Variants in FTO observed in about 807,000 individuals in gnomAD.
FTO encodes FTO alpha-ketoglutarate dependent dioxygenase.
In FTO, 47 loss-of-function variants were observed where a neutral mutation model predicts 63.9. The ratio of observed to expected loss-of-function variants is 0.74; its 90% CI spans 0.58 to 0.94. The LOEUF is 0.94. FTO is among the 40% of genes least tolerant of loss of function. FTO has a pLI of 0.00. For synonymous variants in FTO, 207 were observed against 224.4 expected, an observed-to-expected ratio of 0.92 and a Z score of 0.69; for missense variants, 562 against 618.1, an observed-to-expected ratio of 0.91 and a Z score of 0.96.
chr16:53,880,016 ATG>A, intron 6 of FTO, 29 bp downstream of exon 6: 1 of 1,550,310 alleles, frequency 6.5e-7, no homozygotes, highest in South Asian at 1.1e-5. Context: ...TTTTTTTGAG[ATG>A]GAGTCTCGCT....
chr16:53,984,688 C>T (rs1278682651), intron 8 of FTO, among the ~76,000 whole-genome samples: 1 of 152,082 alleles, frequency 6.6e-6, no homozygotes, highest in East Asian at 1.9e-4. Flanking sequence ...CCCAGAGCCC[C>T]TAAAGCATCA....
Position 53,934,020 on chromosome 16 carries a change from G to T in FTO, c.1275G>T (p.Gly425=), listed in dbSNP as rs774001379. 4 of 1,613,876 alleles carry T rather than the reference G, an allele frequency of 2.5e-6. No homozygotes were observed. The South Asian group carries it at 3.3e-5, about 13-fold the overall frequency. ...NAVLHEVKRE[G]LPVEQRNEIL... is the part of the protein sequence containing the mutation. ...TGCTTCATGAAGTTAAAAGAGAGGG[G>T]CTCCCCGTGGAACAAAGGAATGAAA... Residue 425 remains glycine, a synonymous_variant, in exon 8 of 9, where the codon GGG becomes GGT. Transcript: ENST00000471389.
intron 5 of FTO, among the ~76,000 whole-genome samples, chr16:53,875,707 C>G (rs1270973917): frequency 6.6e-6 from 1 of 152,190 alleles, no homozygotes; most frequent in Non-Finnish European, 1.5e-5. Flanking sequence ...AGTTTGTTCT[C>G]TCTTCAAACT....
chr16:53,882,171 T>A (rs2080855659), intron 6 of FTO, among the ~76,000 whole-genome samples: 1 of 152,166 alleles, frequency 6.6e-6, no homozygotes. Flanking sequence ...TAAGAAGGAT[T>A]GATGGGGAAT....
At chr16:53,893,102 G>T (rs1567407242) in intron 7 of FTO, among the ~76,000 whole-genome samples, 1 of 151,854 alleles carries the variant, frequency 6.6e-6, no homozygotes, top group Non-Finnish European at 1.5e-5. Flanking sequence ...CCTTATATTT[G>T]AATGACATTC....
At chr16:53,844,006 C>A in intron 3 of FTO, 149 bp from the exon 4 acceptor site, 2 of 682,530 alleles carry the variant, frequency 2.9e-6, no homozygotes, top group Non-Finnish European at 4.8e-6. Context: ...CCTAGAATAT[C>A]TTTTTAAAAA....
intron 8 of FTO, chr16:53,991,760 C>T (rs766162674): frequency 1.3e-5 from 2 of 152,170 alleles, no homozygotes; most frequent in Non-Finnish European, 2.9e-5. Context: ...TAACTCCAGT[C>T]TCATAATTCT....
chr16:53,792,085 A>T (rs7205858), intron 1 of FTO, among the ~76,000 whole-genome samples: 3 of 152,034 alleles, frequency 2.0e-5, no homozygotes, highest in Admixed American at 6.5e-5. Context: ...CAAAAAAAAA[A>T]AAAAAAAATA....
intron 8 of FTO, among the ~76,000 whole-genome samples, chr16:53,953,847 T>C (rs1187550931): frequency 6.6e-6 from 1 of 152,236 alleles, no homozygotes. Flanking sequence ...CTTTTAAAAT[T>C]ATAGGTACAG....
chr16:53,728,062 G>A (rs552361473), intron 1 of FTO, among the ~76,000 whole-genome samples: 2 of 152,010 alleles, frequency 1.3e-5, no homozygotes, highest in African/African-American at 4.8e-5. Flanking sequence ...AACATAGTGA[G>A]ACCCTGTCTC....
At chr16:53,770,517 C>T (rs548709400) in intron 1 of FTO, among the ~76,000 whole-genome samples, 96 of 152,298 alleles carry the variant, frequency 6.3e-4, no homozygotes, top group Non-Finnish European at 1.3e-3. Flanking sequence ...GTAGCAGGAT[C>T]ATGGCCTACA....
chr16:53,919,143 C>T (rs7206449), intron 7 of FTO, among the ~76,000 whole-genome samples: 2,571 of 152,166 alleles, frequency 0.017, 61 homozygotes, highest in African/African-American at 0.058. Flanking sequence ...AATTACTTAA[C>T]CTTTCTGAGT....
chr16:54,015,765 A>T (rs2084429659), intron 8 of FTO, among the ~76,000 whole-genome samples: 1 of 152,174 alleles, frequency 6.6e-6, no homozygotes, highest in Admixed American at 6.5e-5. Flanking sequence ...CGGGTACTTT[A>T]TTATCTATCC....
At chr16:53,739,728 G>C (rs1368442372) in intron 1 of FTO, among the ~76,000 whole-genome samples, 2 of 151,778 alleles carry the variant, frequency 1.3e-5, no homozygotes, top group Admixed American at 1.3e-4. Context: ...TAGTATGATT[G>C]TATCTTTTTT....
At chr16:53,749,162 T>G (rs1490218076) in intron 1 of FTO, among the ~76,000 whole-genome samples, 1 of 152,252 alleles carries the variant, frequency 6.6e-6, no homozygotes, top group Non-Finnish European at 1.5e-5. Context: ...GTGTTGATTT[T>G]GTATCCTGCA....
intron 7 of FTO, among the ~76,000 whole-genome samples, chr16:53,894,022 A>G (rs781273679): frequency 5.3e-5 from 8 of 152,218 alleles, no homozygotes; most frequent in Non-Finnish European, 8.8e-5. Context: ...TATAGGCTAC[A>G]TTTAATTCTA....
intron 7 of FTO, among the ~76,000 whole-genome samples, chr16:53,904,360 T>C (rs1056799324): frequency 6.6e-6 from 1 of 152,178 alleles, no homozygotes; most frequent in Non-Finnish European, 1.5e-5. Context: ...TTCTCTTAAT[T>C]GCTATAATAA....
Position 53,946,810 on chromosome 16 carries a change from A to G in FTO, c.1364+12701A>G, listed in dbSNP as rs374607510. Among the ~76,000 whole-genome samples the G allele has an allele frequency of 6.6e-5, 10 of 152,126 alleles. No homozygotes were observed. In the East Asian group the frequency reaches 1.9e-3, roughly 29 times the overall value. ...GCTCTGGCCTCTTTCCTACCAGAAT[A>G]CGGGCCTGGGAGGCAACTGCAATGA... On this transcript the variant is annotated intron_variant, in intron 8 of 8. Transcript: ENST00000471389.
chr16:53,924,521 A>T (rs984887763), intron 7 of FTO, among the ~76,000 whole-genome samples: 1 of 151,522 alleles, frequency 6.6e-6, no homozygotes, highest in Non-Finnish European at 1.5e-5. Context: ...CTTTGTTGGC[A>T]GCCTCTTGAA....
Sources: allele counts gnomAD v4.1 joint callset (sites outside exome capture counted in the v4.1 genomes callset), GRCh38; gene constraint gnomAD v4.1.1; transcripts MANE v1.5; gene names NCBI Gene and HGNC (gene_info 2026-07-23, HGNC 2026-07-21).